The following PSMC3 variants were observed in gnomAD, a reference collection of about 807,000 sequenced individuals.
PSMC3 encodes the protein 26S proteasome regulatory subunit 6A.
A neutral mutation model predicts 52.0 loss-of-function variants in PSMC3; 11 were observed. The ratio of observed to expected loss-of-function variants is 0.21; its 90% CI spans 0.13 to 0.35. The LOEUF is 0.35. PSMC3 is among the 10% of genes least tolerant of loss of function. The probability of loss-of-function intolerance (pLI) is 1.00; values close to 1 mark genes in which losing one functional copy is unlikely to be tolerated. For missense variants in PSMC3, 238 were observed against 567.1 expected, an observed-to-expected ratio of 0.42 and a Z score of 5.89; for synonymous variants, 201 against 218.8, an observed-to-expected ratio of 0.92 and a Z score of 0.72.
Position 47,420,390 on chromosome 11 carries a change from C to A in PSMC3, c.1001G>T (p.Arg334Met). 6.2e-7 allele frequency: 1 copy of A among 1,613,034 alleles called. No homozygotes were observed. The highest frequency in any genetic ancestry group is 1.1e-5 in the South Asian group (1 of 91,018). ...GAGGGCGGGGTCCAGGATGTCCACCCTGTTTGTGGCTGCAATTACCTGAGG... is the reference window on the plus strand; with the variant it reads ...GAGGGCGGGGTCCAGGATGTCCACCATGTTTGTGGCTGCAATTACCTGAGG... The part of the protein sequence containing the change: ...TQVKVIAATN[R>M]VDILDPALLR... Residue 334 changes from arginine to methionine, a missense_variant, in exon 10 of 12, where the codon AGG becomes ATG. Arg to Met is a moderately conservative substitution (Grantham distance 91). This residue lies in a region of PSMC3 where 46 missense variants were observed against 172.9 expected (regional missense o/e 0.27). Coordinates refer to ENST00000298852, the MANE Select transcript of PSMC3 (RefSeq NM_002804.5).
rs1436729272 is a variant in PSMC3, at chr11:47,424,154, C to T, written c.483G>A (p.Leu161=). The change falls in exon 6 of 12, where the codon CTG becomes CTA. Residue 161 remains leucine (L), a synonymous_variant. Transcript: ENST00000298852. This position sits in a 1 kb window ranked among gnomAD's most constrained non-coding sequence, Gnocchi z 4.8. ...AGTCATACTCTGTGGGCAGCGTCTC[C>T]AGGATCAGATAGGAGTCTTTGTTCA... The part of the protein sequence containing the change: ...VGVNKDSYLI[L]ETLPTEYDSR... 1 of 1,614,190 alleles carries T rather than the reference C, an allele frequency of 6.2e-7. No homozygotes were observed. The highest frequency in any genetic ancestry group is 1.7e-5 in the Admixed American group (1 of 60,028).
chr11:47,423,174 C>T (rs868716450), intron 6 of PSMC3, among the ~76,000 whole-genome samples: 9 of 152,100 alleles, frequency 5.9e-5, no homozygotes, highest in South Asian at 4.1e-4. Flanking sequence ...CTGAGGCGGG[C>T]GGATCACAAG....
At position 47,426,296 on chromosome 11, in the gene PSMC3, CAGA is replaced by C; in HGVS notation, c.-20_-18del. 6.5e-7 allele frequency: 1 copy of C among 1,548,408 alleles called. No homozygotes were observed. The highest frequency in any genetic ancestry group is 8.7e-7 in the Non-Finnish European group (1 of 1,144,786). The stretch of plus-strand genomic sequence containing the variant: ...CAGATTCATTTCCTGGAGGAGCGGG[CAGA>C]AGATGGGACCAGGCGGGAGCCGCAA... On this transcript the variant is annotated 5_prime_UTR_variant, in exon 1 of 12. Transcript: ENST00000298852.
chr11:47,425,842 G>A (rs2096045774), intron 2 of PSMC3, 25 bp downstream of exon 2: 4 of 1,602,934 alleles, frequency 2.5e-6, no homozygotes, highest in Non-Finnish European at 2.6e-6. Context: ...GGGCTCCATC[G>A]CCCGCACAGG....
chr11:47,423,082 C>T (rs923309964), intron 6 of PSMC3, 109 bp from the exon 7 acceptor site: 61 of 1,180,066 alleles, frequency 5.2e-5, no homozygotes, highest in Non-Finnish European at 6.8e-5. Flanking sequence ...AACTCAGGGA[C>T]ACGCCCATTT....
Position 47,422,773 on chromosome 11 carries a change from A to C in PSMC3, c.736-51T>G, listed in dbSNP as rs1262748633. 1 of 1,609,030 alleles carries C rather than the reference A, an allele frequency of 6.2e-7. No homozygotes were observed. The highest frequency in any genetic ancestry group is 1.1e-5 in the South Asian group (1 of 90,838). On this transcript the variant is annotated intron_variant, in intron 7 of 11. Coordinates refer to ENST00000298852, the MANE Select transcript of PSMC3 (RefSeq NM_002804.5). The surrounding 1 kb of genome is among the most constrained non-coding windows in gnomAD (Gnocchi z 4.3). The stretch of plus-strand genomic sequence containing the variant: ...GGTCAAAGGCAGACCCTTTGAGCCC[A>C]TCTGGTAGAGTTTCTGCTCCTGCCC...
chr11:47,419,037 C>T, intron 11 of PSMC3, 79 bp downstream of exon 11: 1 of 1,608,130 alleles, frequency 6.2e-7, no homozygotes, highest in Non-Finnish European at 8.5e-7. Context: ...GCCGTCTCCA[C>T]CAGCCAAATG....
At chr11:47,425,408 A>T in intron 2 of PSMC3, 162 bp from the exon 3 acceptor site, 1 of 832,820 alleles carries the variant, frequency 1.2e-6, no homozygotes, top group Non-Finnish European at 1.9e-6. Context: ...CACATCCTGC[A>T]GAAGTCAAAA....
rs776087841 is a variant in PSMC3, at chr11:47,425,129, C to T, written c.277G>A (p.Val93Ile). ...NKTLPYLVSNVIELLDVDPND... is the reference protein window; with the variant it reads ...NKTLPYLVSNIIELLDVDPND... ...TCCACATACACACACACCTCGATGA[C>T]GTTGGAGACAAGGTACGGCAGGGTC... Residue 93 changes from valine to isoleucine, a missense_variant, in exon 3 of 12, where the codon GTC (valine) becomes ATC (isoleucine). This residue lies in a region of PSMC3 where 21 missense variants were observed against 95.6 expected (regional missense o/e 0.22). Coordinates refer to ENST00000298852, the MANE Select transcript of PSMC3 (RefSeq NM_002804.5). 5.0e-6 allele frequency: 8 copies of T among 1,614,066 alleles called. No homozygotes were observed. Among genetic ancestry groups the T allele is most frequent in the South Asian group, 1.1e-5 (1 of 91,084 alleles).
chr11:47,426,071 C>A, intron 1 of PSMC3, 121 bp from the exon 2 acceptor site: 1 of 1,394,300 alleles, frequency 7.2e-7, no homozygotes, highest in Non-Finnish European at 9.9e-7. Context: ...GAGTCAGGAC[C>A]CCTGCCCACA....
Position 47,418,811 on chromosome 11 carries a change from G to A in PSMC3, c.*24C>T, listed in dbSNP as rs114688664. The A allele has an allele frequency of 1.0e-3, 1,599 of 1,596,640 alleles. 20 individuals carry two copies. The African/African-American group carries it at 0.018, about 18-fold the overall frequency. On this transcript the variant is annotated 3_prime_UTR_variant, in exon 12 of 12. Transcript: ENST00000298852. ...ATCTTTTATTGCGCACTTCAGCCGTGAGACTGGGGCTGGCCTGTGTGCCCT... is the reference window on the plus strand; with the variant it reads ...ATCTTTTATTGCGCACTTCAGCCGTAAGACTGGGGCTGGCCTGTGTGCCCT...
chr11:47,419,597 T>A (rs7106027), intron 10 of PSMC3, among the ~76,000 whole-genome samples: 6 of 151,886 alleles, frequency 4.0e-5, no homozygotes. Flanking sequence ...TGGTGGCTCA[T>A]ACCTATAATC....
chr11:47,418,989 C>T, intron 11 of PSMC3, 44 bp from the exon 12 acceptor site: 1 of 1,608,666 alleles, frequency 6.2e-7, no homozygotes, highest in Non-Finnish European at 8.5e-7. Flanking sequence ...CGCCTGAATG[C>T]CTTCCCTGGC....
Position 47,424,752 on chromosome 11 carries a change from G to A in PSMC3, c.286-41C>T, listed in dbSNP as rs752641977. On this transcript the variant is annotated intron_variant, in intron 3 of 11. Transcript: ENST00000298852. This position sits in a 1 kb window ranked among gnomAD's most constrained non-coding sequence, Gnocchi z 4.8. Reference sequence around the variant, plus strand: ...TACTCAGCTCCTTGAACTCCCCAAGGCCCAGTGCTTCCTAAGACAGTTCCT... The same window carrying A: ...TACTCAGCTCCTTGAACTCCCCAAGACCCAGTGCTTCCTAAGACAGTTCCT... 2 of 1,496,210 alleles carry A rather than the reference G, an allele frequency of 1.3e-6. No homozygotes were observed. Among genetic ancestry groups the A allele is most frequent in the Non-Finnish European group, 1.9e-6 (2 of 1,072,836 alleles). 92.7% of individuals were successfully genotyped at this position (1,496,210 alleles called of 1,614,324 possible). A position where few individuals can be genotyped will look rare whatever the true frequency, so the allele number is the denominator to read the frequency against.
intron 10 of PSMC3, 27 bp downstream of exon 10, chr11:47,420,237 C>T: frequency 6.2e-7 from 1 of 1,612,700 alleles, no homozygotes; most frequent in Non-Finnish European, 8.5e-7. Flanking sequence ...GTTCAGGTCT[C>T]TGTGCCCTGC....
chr11:47,424,408 C>T lies in PSMC3; in HGVS notation c.453+21G>A. On this transcript the variant is annotated intron_variant, in intron 5 of 11. Coordinates refer to ENST00000298852, the MANE Select transcript of PSMC3 (RefSeq NM_002804.5). This position sits in a 1 kb window ranked among gnomAD's most constrained non-coding sequence, Gnocchi z 4.8. ...CAGCTAGTCACCAGAAAAGCACTGCCTGGGCTCAGGCCCCACTCACCACCA... is the reference window on the plus strand; with the variant it reads ...CAGCTAGTCACCAGAAAAGCACTGCTTGGGCTCAGGCCCCACTCACCACCA... The T allele has an allele frequency of 6.2e-7, 1 of 1,613,336 alleles. No homozygotes were observed. The highest frequency in any genetic ancestry group is 1.7e-5 in the Admixed American group (1 of 60,000).
In PSMC3 at chr11:47,426,192, G is replaced by A; in HGVS notation, c.75+13C>T. The A allele has an allele frequency of 6.4e-7, 1 of 1,555,032 alleles. No individual in the cohort carries two copies. The highest frequency in any genetic ancestry group is 8.7e-7 in the Non-Finnish European group (1 of 1,150,152). On this transcript the variant is annotated intron_variant, in intron 1 of 11. Transcript: ENST00000298852. ...GCCCCGGTTCCCGGACCGCCAGCTC[G>A]CCCGGTGCCCACCTCGGCCTCATCC...
intron 10 of PSMC3, among the ~76,000 whole-genome samples, chr11:47,419,758 C>T (rs375413301): frequency 2.4e-4 from 37 of 152,030 alleles, no homozygotes; most frequent in African/African-American, 8.7e-4. Flanking sequence ...ACTCGGGAGG[C>T]TGAGGCAGGA....
intron 10 of PSMC3, among the ~76,000 whole-genome samples, chr11:47,419,965 G>T (rs767343018): frequency 2.6e-5 from 4 of 152,214 alleles, no homozygotes; most frequent in Non-Finnish European, 4.4e-5. Flanking sequence ...CATTCCTGGC[G>T]TGTGTTAATG....
Sources: gnomAD v4.1 joint callset for allele counts (sites outside exome capture counted in the v4.1 genomes callset) on GRCh38, gnomAD v4.1.1 for gene constraint, gnomAD v4.1.1 regional missense constraint, Gnocchi (gnomAD v3.1) non-coding constraint, MANE v1.5 for transcripts, NCBI Gene and HGNC (gene_info 2026-07-23, HGNC 2026-07-21) for gene names.